The following MGAT4C variants were observed in gnomAD, a reference collection of about 807,000 sequenced individuals.
MGAT4C encodes alpha-1,3-mannosyl-glycoprotein 4-beta-N-acetylglucosaminyltransferase C.
In MGAT4C, 19 loss-of-function variants were observed where a neutral mutation model predicts 40.1. The ratio of observed to expected loss-of-function variants is 0.47; its 90% CI spans 0.33 to 0.70. The LOEUF (loss-of-function observed/expected upper bound fraction) is 0.70. Among genes scored for constraint, MGAT4C ranks in the 30% least tolerant of loss-of-function variants. The pLI is 0.02. For missense variants in MGAT4C, 491 were observed against 563.2 expected, an observed-to-expected ratio of 0.87 and a Z score of 1.30; for synonymous variants, 181 against 187.1, an observed-to-expected ratio of 0.97 and a Z score of 0.27.
At chr12:86,218,662 G>A (rs1045215863) in intron 1 of MGAT4C, among the ~76,000 whole-genome samples, 2 of 151,994 alleles carry the variant, frequency 1.3e-5, no homozygotes, top group Non-Finnish European at 2.9e-5. Context: ...TAAAACAACT[G>A]AATGTTTTCA....
At chr12:86,393,480 T>C (rs1956192978) in intron 3 of MGAT4C, among the ~76,000 whole-genome samples, 1 of 152,182 alleles carries the variant, frequency 6.6e-6, no homozygotes, top group Non-Finnish European at 1.5e-5. Context: ...TTTTTTCCAA[T>C]AAAACACATT....
At chr12:86,324,469 T>C (rs916028907) in intron 4 of MGAT4C, among the ~76,000 whole-genome samples, 4 of 151,972 alleles carry the variant, frequency 2.6e-5, no homozygotes, top group African/African-American at 9.6e-5. Flanking sequence ...ATATATTTAT[T>C]ATTGCTTTTA....
intron 2 of MGAT4C, among the ~76,000 whole-genome samples, chr12:86,609,959 T>C (rs1320666925): frequency 1.3e-5 from 2 of 152,178 alleles, no homozygotes; most frequent in African/African-American, 4.8e-5. Context: ...ATTATAAGTC[T>C]TCACAGTTGT....
chr12:86,241,624 T>A (rs1282931060), intron 1 of MGAT4C, among the ~76,000 whole-genome samples: 2 of 152,104 alleles, frequency 1.3e-5, no homozygotes, highest in East Asian at 1.9e-4. Flanking sequence ...AGGAGCAGAG[T>A]GGTCTCGCCT....
chr12:86,521,574 T>C (rs1273012597), intron 2 of MGAT4C, among the ~76,000 whole-genome samples: 2 of 151,938 alleles, frequency 1.3e-5, no homozygotes, highest in Non-Finnish European at 2.9e-5. Context: ...GTTTGTTTGT[T>C]TGTCTTTTTG....
At chr12:85,995,315 C>T (rs1202502507) in intron 2 of MGAT4C, among the ~76,000 whole-genome samples, 1 of 152,068 alleles carries the variant, frequency 6.6e-6, no homozygotes, top group African/African-American at 2.4e-5. Context: ...ATTTGAGTGG[C>T]AGAATATTTA....
chr12:86,008,956 T>G (rs1264817499), intron 2 of MGAT4C, among the ~76,000 whole-genome samples: 1 of 152,062 alleles, frequency 6.6e-6, no homozygotes, highest in East Asian at 1.9e-4. Flanking sequence ...AATAATTATA[T>G]AATTATTTTT....
intron 1 of MGAT4C, among the ~76,000 whole-genome samples, chr12:86,225,560 C>T (rs1951041902): frequency 6.6e-6 from 1 of 151,982 alleles, no homozygotes; most frequent in South Asian, 2.1e-4. Flanking sequence ...AACATTACCA[C>T]ACCAAATCCA....
intron 3 of MGAT4C, among the ~76,000 whole-genome samples, chr12:86,404,581 T>A (rs548462202): frequency 6.6e-6 from 1 of 152,226 alleles, no homozygotes; most frequent in Non-Finnish European, 1.5e-5. Flanking sequence ...AAGAGCTCTT[T>A]ATAACCTAGT....
intron 3 of MGAT4C, among the ~76,000 whole-genome samples, chr12:85,987,323 G>C (rs2136709049): frequency 6.6e-6 from 1 of 151,056 alleles, no homozygotes; most frequent in Middle Eastern, 3.4e-3. Context: ...ATTTTTAGTA[G>C]AGACGGGGTT....
intron 2 of MGAT4C, among the ~76,000 whole-genome samples, chr12:86,489,060 G>A (rs1484835421): frequency 6.6e-6 from 1 of 152,026 alleles, no homozygotes; most frequent in Non-Finnish European, 1.5e-5. Flanking sequence ...GTCGAATGTT[G>A]CCTTTTCCAA....
chr12:86,178,139 T>C (rs1257095114), intron 1 of MGAT4C, among the ~76,000 whole-genome samples: 1 of 152,162 alleles, frequency 6.6e-6, no homozygotes, highest in African/African-American at 2.4e-5. Flanking sequence ...GGTTTCACCG[T>C]GTTAGCCAGG....
chr12:86,105,890 T>C (rs1467936109), intron 1 of MGAT4C, among the ~76,000 whole-genome samples: 2 of 152,184 alleles, frequency 1.3e-5, no homozygotes, highest in Non-Finnish European at 2.9e-5. Context: ...TTTACAAATA[T>C]CTTCTATCAC....
chr12:86,632,771 G>C (rs1267876693), intron 2 of MGAT4C, among the ~76,000 whole-genome samples: 3 of 150,266 alleles, frequency 2.0e-5, no homozygotes, highest in African/African-American at 7.5e-5. Flanking sequence ...GTGGGGGGAT[G>C]GGGGAGGGAT....
chr12:86,062,206 G>T (rs1475720203), intron 1 of MGAT4C, among the ~76,000 whole-genome samples: 1 of 152,190 alleles, frequency 6.6e-6, no homozygotes, highest in African/African-American at 2.4e-5. Flanking sequence ...CTATTCTGCA[G>T]CCACCGCTGG....
At chr12:86,424,813 G>A (rs904263166) in intron 3 of MGAT4C, among the ~76,000 whole-genome samples, 5 of 152,134 alleles carry the variant, frequency 3.3e-5, no homozygotes, top group Non-Finnish European at 7.4e-5. Flanking sequence ...CTGGAGTGCA[G>A]TGGTAGGACC....
intron 1 of MGAT4C, among the ~76,000 whole-genome samples, chr12:86,759,808 G>T (rs1300199880): frequency 6.6e-6 from 1 of 152,004 alleles, no homozygotes; most frequent in East Asian, 1.9e-4. Context: ...TGTAGAGTTT[G>T]CAAATAAATA....
At chr12:86,649,996 GA>G (rs1186173281) in intron 2 of MGAT4C, among the ~76,000 whole-genome samples, 1 of 151,790 alleles carries the variant, frequency 6.6e-6, no homozygotes, top group African/African-American at 2.4e-5. Context: ...CTGGAAAATT[GA>G]AAAAAGTCAA....
At chr12:86,500,663 C>A (rs183508054) in intron 2 of MGAT4C, among the ~76,000 whole-genome samples, 1 of 151,964 alleles carries the variant, frequency 6.6e-6, no homozygotes, top group African/African-American at 2.4e-5. Flanking sequence ...AAGAAACAAT[C>A]CACCAATTTA....
Sources: gnomAD v4.1 joint callset for allele counts (sites outside exome capture counted in the v4.1 genomes callset) on GRCh38, gnomAD v4.1.1 for gene constraint, MANE v1.5 for transcripts, NCBI Gene and HGNC (gene_info 2026-07-23, HGNC 2026-07-21) for gene names.